Variants in PRKCA observed in about 807,000 individuals in gnomAD.
The protein encoded by PRKCA is protein kinase C alpha type.
Under a neutral mutation model 87.0 loss-of-function variants are expected in PRKCA, and 27 were observed. The ratio of observed to expected loss-of-function variants is 0.31; its 90% CI spans 0.23 to 0.43. The LOEUF is 0.43. PRKCA is among the 20% of genes least tolerant of loss of function. The probability of loss-of-function intolerance (pLI) is 1.00; values close to 1 mark genes in which losing one functional copy is unlikely to be tolerated. For missense variants in PRKCA, 518 were observed against 852.3 expected, an observed-to-expected ratio of 0.61 and a Z score of 4.88; for synonymous variants, 329 against 311.1, an observed-to-expected ratio of 1.06 and a Z score of -0.61.
At chr17:66,491,543 A>G (rs1469887290) in intron 2 of PRKCA, among the ~76,000 whole-genome samples, 1 of 152,118 alleles carries the variant, frequency 6.6e-6, no homozygotes, top group African/African-American at 2.4e-5. Context: ...AACAGGTACC[A>G]CCTTATTACC....
At chr17:66,712,295 C>T (rs1353176032) in intron 8 of PRKCA, among the ~76,000 whole-genome samples, 1 of 152,208 alleles carries the variant, frequency 6.6e-6, no homozygotes, top group Non-Finnish European at 1.5e-5. Flanking sequence ...GGAAGGAACT[C>T]GTACTTGGGT....
At chr17:66,421,072 G>A (rs372524635) in intron 2 of PRKCA, among the ~76,000 whole-genome samples, 3 of 152,342 alleles carry the variant, frequency 2.0e-5, no homozygotes, top group South Asian at 2.1e-4. Flanking sequence ...ATTGCACAAT[G>A]AAGATGAAAA....
At chr17:66,504,531 G>A (rs1408287410) in intron 3 of PRKCA, among the ~76,000 whole-genome samples, 3 of 151,886 alleles carry the variant, frequency 2.0e-5, no homozygotes, top group African/African-American at 7.3e-5. Flanking sequence ...GGCAGAGGTT[G>A]CAGTGAGCCA....
At chr17:66,731,188 T>TA (rs1230699093) in intron 8 of PRKCA, among the ~76,000 whole-genome samples, 1 of 151,820 alleles carries the variant, frequency 6.6e-6, no homozygotes, top group East Asian at 1.9e-4. Context: ...CCATCTCTAC[T>TA]AAACATACAA....
chr17:66,781,953 G>A (rs146251382), intron 14 of PRKCA, among the ~76,000 whole-genome samples: 351 of 150,702 alleles, frequency 2.3e-3, no homozygotes, highest in African/African-American at 7.4e-3. Context: ...TTGCTCTGTT[G>A]CCCAGGCTGG....
intron 13 of PRKCA, among the ~76,000 whole-genome samples, chr17:66,756,204 C>A (rs2144278865): frequency 6.6e-6 from 1 of 152,282 alleles, no homozygotes; most frequent in East Asian, 1.9e-4. Context: ...TATGCCAGAG[C>A]ATCCCGTTCT....
At chr17:66,384,601 T>A (rs886370602) in intron 2 of PRKCA, among the ~76,000 whole-genome samples, 2 of 152,180 alleles carry the variant, frequency 1.3e-5, no homozygotes, top group African/African-American at 2.4e-5. Context: ...TGACAATGAC[T>A]CCCTTCTCTG....
intron 2 of PRKCA, among the ~76,000 whole-genome samples, chr17:66,376,530 C>T (rs187023554): frequency 6.6e-6 from 1 of 152,112 alleles, no homozygotes; most frequent in East Asian, 1.9e-4. Flanking sequence ...ATCGCTTGAA[C>T]CTGGGAGGCA....
At chr17:66,673,052 A>T (rs4474731) in intron 5 of PRKCA, among the ~76,000 whole-genome samples, 1,868 of 152,290 alleles carry the variant, frequency 0.012, 45 homozygotes, top group African/African-American at 0.042. Context: ...TACGTTGTTT[A>T]TGCAGAATCG....
At chr17:66,663,085 A>G (rs1034773430) in intron 5 of PRKCA, among the ~76,000 whole-genome samples, 2 of 152,220 alleles carry the variant, frequency 1.3e-5, no homozygotes, top group Non-Finnish European at 2.9e-5. Context: ...CTAATCAGGA[A>G]TTATGCCTCA....
intron 3 of PRKCA, among the ~76,000 whole-genome samples, chr17:66,538,592 G>C (rs1967871360): frequency 6.6e-6 from 1 of 152,180 alleles, no homozygotes; most frequent in African/African-American, 2.4e-5. Flanking sequence ...AAGCTTATTT[G>C]GTTGAGTGGG....
intron 13 of PRKCA, among the ~76,000 whole-genome samples, chr17:66,755,613 T>C (rs1475514697): frequency 2.0e-5 from 3 of 152,202 alleles, no homozygotes; most frequent in Non-Finnish European, 4.4e-5. Flanking sequence ...CCCAGGGCTG[T>C]CTCACCCAGC....
intron 3 of PRKCA, among the ~76,000 whole-genome samples, chr17:66,543,378 T>C (rs4791050): frequency 1.3e-5 from 2 of 152,074 alleles, no homozygotes; most frequent in Admixed American, 1.3e-4. Flanking sequence ...TATAATGAGA[T>C]ACTGTAAGAT....
chr17:66,426,482 A>G (rs547952546), intron 2 of PRKCA, among the ~76,000 whole-genome samples: 1 of 152,214 alleles, frequency 6.6e-6, no homozygotes, highest in Admixed American at 6.5e-5. Context: ...ACAGGAAGAC[A>G]GGAAGGAGTA....
At chr17:66,388,577 G>A (rs1253161241) in intron 2 of PRKCA, among the ~76,000 whole-genome samples, 1 of 152,176 alleles carries the variant, frequency 6.6e-6, no homozygotes, top group Non-Finnish European at 1.5e-5. Flanking sequence ...TTACAGGCAT[G>A]AGCCACTGTG....
At chr17:66,501,377 A>G (rs898412266) in intron 3 of PRKCA, among the ~76,000 whole-genome samples, 2 of 152,224 alleles carry the variant, frequency 1.3e-5, no homozygotes, top group Non-Finnish European at 2.9e-5. Flanking sequence ...ATGAGATGGC[A>G]TTCTGTACCA....
chr17:66,422,573 T>C (rs1208816901), intron 2 of PRKCA, among the ~76,000 whole-genome samples: 1 of 152,202 alleles, frequency 6.6e-6, no homozygotes, highest in Non-Finnish European at 1.5e-5. Context: ...TTCACTGGCT[T>C]CAGGGCTCTG....
chr17:66,514,138 T>C (rs1161425806), intron 3 of PRKCA, among the ~76,000 whole-genome samples: 1 of 152,228 alleles, frequency 6.6e-6, no homozygotes, highest in Non-Finnish European at 1.5e-5. Context: ...GCCTGATTTA[T>C]AAATTAATCT....
chr17:66,666,089 A>C (rs1028984033), intron 5 of PRKCA, among the ~76,000 whole-genome samples: 1 of 152,218 alleles, frequency 6.6e-6, no homozygotes, highest in African/African-American at 2.4e-5. Context: ...GAGAGCAATC[A>C]GTGTAGAGAA....
Sources: gnomAD v4.1 joint callset for allele counts (sites outside exome capture counted in the v4.1 genomes callset) on GRCh38, gnomAD v4.1.1 for gene constraint, MANE v1.5 for transcripts, NCBI Gene and HGNC (gene_info 2026-07-23, HGNC 2026-07-21) for gene names.